The following NTNG1 variants were observed in gnomAD, a reference collection of about 807,000 sequenced individuals.
The protein encoded by NTNG1 is netrin-G1.
A neutral mutation model predicts 54.0 loss-of-function variants in NTNG1; 16 were observed. The observed-to-expected ratio is 0.30, with a 90% CI of 0.20 to 0.45. The LOEUF is 0.45. NTNG1 is among the 20% of genes least tolerant of loss of function. The probability of loss-of-function intolerance (pLI) is 1.00; values close to 1 mark genes in which losing one functional copy is unlikely to be tolerated. For synonymous variants in NTNG1, 255 were observed against 263.1 expected, an observed-to-expected ratio of 0.97 and a Z score of 0.30; for missense variants, 530 against 678.7, an observed-to-expected ratio of 0.78 and a Z score of 2.43.
intron 2 of NTNG1, among the ~76,000 whole-genome samples, chr1:107,262,023 C>T (rs1663384994): frequency 6.6e-6 from 1 of 152,136 alleles, no homozygotes; most frequent in Admixed American, 6.5e-5. Flanking sequence ...ATAAGATACA[C>T]CTTAAAATAA....
intron 2 of NTNG1, among the ~76,000 whole-genome samples, chr1:107,313,271 T>C (rs749658426): frequency 3.3e-5 from 5 of 152,234 alleles, no homozygotes; most frequent in Non-Finnish European, 7.3e-5. Flanking sequence ...ATTCTGATTA[T>C]GCATCTTTGG....
chr1:107,263,044 GT>G (rs1260597464), intron 2 of NTNG1, among the ~76,000 whole-genome samples: 2 of 152,188 alleles, frequency 1.3e-5, no homozygotes, highest in Non-Finnish European at 2.9e-5. Context: ...GTGAGTTACT[GT>G]GCAAACAATT....
At chr1:107,147,481 G>A (rs1329321028) in intron 1 of NTNG1, among the ~76,000 whole-genome samples, 2 of 151,538 alleles carry the variant, frequency 1.3e-5, no homozygotes, top group African/African-American at 4.8e-5. Context: ...TTTTCAGAGA[G>A]CCAACTTATC....
At chr1:107,260,420 T>C (rs1269166241) in intron 2 of NTNG1, among the ~76,000 whole-genome samples, 1 of 152,224 alleles carries the variant, frequency 6.6e-6, no homozygotes. Context: ...TCTGATGTTC[T>C]ACAGCAGGCA....
At chr1:107,289,900 A>C (rs763932236) in intron 2 of NTNG1, among the ~76,000 whole-genome samples, 3 of 152,194 alleles carry the variant, frequency 2.0e-5, no homozygotes, top group Non-Finnish European at 4.4e-5. Flanking sequence ...TGAATTTTGC[A>C]GTAAACCAAG....
intron 2 of NTNG1, among the ~76,000 whole-genome samples, chr1:107,251,635 TC>T (rs1485243270): frequency 9.2e-5 from 14 of 152,182 alleles, no homozygotes; most frequent in African/African-American, 2.7e-4. Flanking sequence ...AATTAATGTC[TC>T]CAGTTGAAAC....
chr1:107,159,169 A>G (rs1164756406), intron 2 of NTNG1, among the ~76,000 whole-genome samples: 2 of 152,146 alleles, frequency 1.3e-5, no homozygotes, highest in African/African-American at 2.4e-5. Flanking sequence ...TTGGTGGCCA[A>G]TATGCTAATC....
At chr1:107,178,667 A>G (rs994739672) in intron 2 of NTNG1, among the ~76,000 whole-genome samples, 1 of 152,222 alleles carries the variant, frequency 6.6e-6, no homozygotes. Flanking sequence ...AGGTTGGCAC[A>G]GAATTCTAAG....
chr1:107,237,614 G>A (rs1661499093), intron 2 of NTNG1, among the ~76,000 whole-genome samples: 1 of 152,134 alleles, frequency 6.6e-6, no homozygotes, highest in African/African-American at 2.4e-5. Flanking sequence ...CTGGGCCCAG[G>A]GTCCCTGTGC....
intron 6 of NTNG1, among the ~76,000 whole-genome samples, chr1:107,432,247 C>T (rs996081780): frequency 6.6e-6 from 1 of 152,146 alleles, no homozygotes; most frequent in Non-Finnish European, 1.5e-5. Flanking sequence ...TGTGAACTGG[C>T]TTGCAGATGT....
intron 2 of NTNG1, among the ~76,000 whole-genome samples, chr1:107,216,130 C>G (rs958816191): frequency 6.6e-6 from 1 of 152,102 alleles, no homozygotes; most frequent in African/African-American, 2.4e-5. Context: ...CATTTGGATG[C>G]CCCTTATTTC....
intron 2 of NTNG1, among the ~76,000 whole-genome samples, chr1:107,164,893 C>A (rs568102202): frequency 6.6e-6 from 1 of 152,144 alleles, no homozygotes; most frequent in Non-Finnish European, 1.5e-5. Flanking sequence ...CATACCTAGA[C>A]AAGGGAGGGG....
intron 2 of NTNG1, among the ~76,000 whole-genome samples, chr1:107,195,817 A>C (rs914275380): frequency 6.6e-6 from 1 of 151,942 alleles, no homozygotes; most frequent in Non-Finnish European, 1.5e-5. Flanking sequence ...TTCTGACTCA[A>C]ATATTTTCTT....
intron 2 of NTNG1, among the ~76,000 whole-genome samples, chr1:107,277,235 A>G (rs553225833): frequency 6.6e-6 from 1 of 152,290 alleles, no homozygotes; most frequent in South Asian, 2.1e-4. Flanking sequence ...CCTTAGCAGT[A>G]TGGACTTCCT....
chr1:107,254,851 C>T (rs188262169), intron 2 of NTNG1, among the ~76,000 whole-genome samples: 44 of 152,248 alleles, frequency 2.9e-4, no homozygotes, highest in African/African-American at 8.9e-4. Flanking sequence ...ATGCTTATGG[C>T]GGTATTAGAC....
intron 7 of NTNG1, among the ~76,000 whole-genome samples, chr1:107,445,217 G>A (rs957454348): frequency 1.3e-5 from 2 of 152,008 alleles, no homozygotes; most frequent in Non-Finnish European, 2.9e-5. Flanking sequence ...ATTTGGAGTC[G>A]GGGTCTTGTT....
rs542414412 is a variant in NTNG1 at position 107,471,426 on chromosome 1, T to C, written c.1391-9185T>C. On this transcript the variant is annotated intron_variant, in intron 7 of 7. Coordinates refer to ENST00000370068, the MANE Select transcript of NTNG1 (RefSeq NM_001113226.3). ...ACCAGGTTTCAGTCTGTTGTTTGCA[T>C]CCGTACCTCCCCTGGCCCCCTACAC... Among the ~76,000 whole-genome samples the C allele has an allele frequency of 3.9e-5, 6 of 152,236 alleles. No individual in the cohort carries two copies. The East Asian group carries it at 9.7e-4, about 25-fold the overall frequency.
At chr1:107,155,593 T>C (rs2101037530) in intron 2 of NTNG1, among the ~76,000 whole-genome samples, 1 of 152,318 alleles carries the variant, frequency 6.6e-6, no homozygotes, top group African/African-American at 2.4e-5. Flanking sequence ...GTTTACTGTA[T>C]TCTGACTCTT....
intron 7 of NTNG1, among the ~76,000 whole-genome samples, chr1:107,453,168 T>A (rs1026454835): frequency 1.3e-5 from 2 of 152,222 alleles, no homozygotes; most frequent in African/African-American, 4.8e-5. Context: ...TTTTCTCTTG[T>A]GTCTGACTTC....
Sources: gnomAD v4.1 joint callset for allele counts (sites outside exome capture counted in the v4.1 genomes callset) on GRCh38, gnomAD v4.1.1 for gene constraint, MANE v1.5 for transcripts, NCBI Gene and HGNC (gene_info 2026-07-23, HGNC 2026-07-21) for gene names.